The following INPP5D variants were observed in gnomAD, a reference collection of about 807,000 sequenced individuals.
INPP5D encodes inositol polyphosphate-5-phosphatase D.
INPP5D carries 33 observed loss-of-function variants against 122.9 expected under a neutral mutation model. That is an observed-to-expected ratio of 0.27 (90% CI 0.20 to 0.36). The LOEUF is 0.36. INPP5D is among the 10% of genes least tolerant of loss of function. The probability of loss-of-function intolerance (pLI) is 1.00; values close to 1 mark genes in which losing one functional copy is unlikely to be tolerated. For synonymous variants in INPP5D, 584 were observed against 576.2 expected, an observed-to-expected ratio of 1.01 and a Z score of -0.19; for missense variants, 1,053 against 1,412.7, an observed-to-expected ratio of 0.75 and a Z score of 4.08.
At chr2:233,094,728 C>G (rs1466152023) in intron 2 of INPP5D, among the ~76,000 whole-genome samples, 2 of 151,932 alleles carry the variant, frequency 1.3e-5, no homozygotes, top group African/African-American at 4.8e-5. Flanking sequence ...TCAGAATCAG[C>G]GTTTGAACAA....
At position 233,105,788 on chromosome 2, in the gene INPP5D, CAAGTGGAGGGTGCCAGGGA is replaced by C. The variant is rs1692450926; in HGVS notation, c.199-16318_199-16300del. 1.3e-5 allele frequency among the ~76,000 whole-genome samples: 2 copies of C among 152,050 alleles called. No individual in the cohort carries two copies. Among genetic ancestry groups the C allele is most frequent in the African/African-American group, 4.8e-5 (2 of 41,398 alleles). The stretch of plus-strand genomic sequence containing the variant: ...GGGCCACAGGAGGACAGGCTGCCAG[CAAGTGGAGGGTGCCAGGGA>C]GAGAGTGGCTCTGGGGGGCCACAGT... On this transcript the variant is annotated intron_variant, in intron 2 of 26. Transcript: ENST00000445964. This position sits in a 1 kb window ranked among gnomAD's most constrained non-coding sequence, Gnocchi z 4.0.
At chr2:233,135,749 C>T (rs1339090084) in intron 5 of INPP5D, among the ~76,000 whole-genome samples, 1 of 151,956 alleles carries the variant, frequency 6.6e-6, no homozygotes, top group Non-Finnish European at 1.5e-5. Context: ...CATTCAAGAG[C>T]ACAAGTCATC....
chr2:233,140,764 C>G (rs1693615973), intron 6 of INPP5D: 1 of 152,222 alleles, frequency 6.6e-6, no homozygotes, highest in South Asian at 2.1e-4. Context: ...TGGTTTCAAA[C>G]TTCTGGCCAT....
chr2:233,096,661 G>A (rs1055133034), intron 2 of INPP5D, among the ~76,000 whole-genome samples: 1 of 152,062 alleles, frequency 6.6e-6, no homozygotes, highest in African/African-American at 2.4e-5. Context: ...CAAAAGAAAT[G>A]ACACTGAGCC....
intron 1 of INPP5D, among the ~76,000 whole-genome samples, chr2:233,072,638 C>A (rs1030556694): frequency 6.6e-6 from 1 of 152,142 alleles, no homozygotes; most frequent in Non-Finnish European, 1.5e-5. Context: ...TCAATTTATT[C>A]TTTAGTGTTG....
chr2:233,108,311 C>A (rs1021057400), intron 2 of INPP5D, among the ~76,000 whole-genome samples: 10 of 152,228 alleles, frequency 6.6e-5, no homozygotes, highest in Non-Finnish European at 1.5e-4. Context: ...TCTCTCTCAT[C>A]TGGAAATGTC....
chr2:233,131,110 G>A, intron 5 of INPP5D: 13 of 951,042 alleles, frequency 1.4e-5, no homozygotes, highest in Non-Finnish European at 1.6e-5. Context: ...TTCAAAGGGA[G>A]ATGATTCACC....
chr2:233,163,583 C>A, intron 11 of INPP5D, 124 bp from the exon 12 acceptor site: 1 of 1,510,958 alleles, frequency 6.6e-7, no homozygotes, highest in Non-Finnish European at 8.8e-7. Flanking sequence ...TTTCTTTGGG[C>A]TGCCTGGATG....
In INPP5D at chr2:233,105,905, G is replaced by T. The variant is rs942428333; in HGVS notation, c.199-16202G>T. On this transcript the variant is annotated intron_variant, in intron 2 of 26. Transcript: ENST00000445964. The surrounding 1 kb of genome is among the most constrained non-coding windows in gnomAD (Gnocchi z 4.0). ...GGCCTGCACAGGGGATGAGATGAAG[G>T]GACAGTGGCCACTGGGAGGTCAGAG... Among the ~76,000 whole-genome samples the T allele has an allele frequency of 6.6e-6, 1 of 152,066 alleles. No homozygotes were observed. Among genetic ancestry groups the T allele is most frequent in the Non-Finnish European group, 1.5e-5 (1 of 68,012 alleles).
At position 233,166,057 on chromosome 2, in the gene INPP5D, C is replaced by T. The variant is rs1010240701; in HGVS notation, c.1555+1633C>T. The stretch of plus-strand genomic sequence containing the variant: ...TCTCTCAACTTTTCTGCTGACAAAC[C>T]GCAAACTGCCCGCGTCCACCCCCAC... On this transcript the variant is annotated intron_variant, in intron 13 of 26. Transcript: ENST00000445964. Among the ~76,000 whole-genome samples, 5 of 152,072 alleles carry T rather than the reference C, an allele frequency of 3.3e-5. No homozygotes were observed. In the East Asian group the frequency reaches 5.8e-4, roughly 18 times the overall value.
intron 17 of INPP5D, among the ~76,000 whole-genome samples, chr2:233,174,424 G>C (rs1056102483): frequency 3.9e-5 from 6 of 152,228 alleles, no homozygotes; most frequent in Non-Finnish European, 8.8e-5. Flanking sequence ...GTCCATTACT[G>C]TGGTACATGA....
chr2:233,145,946 G>C (rs761695945), intron 6 of INPP5D: 1 of 686,908 alleles, frequency 1.5e-6, no homozygotes, highest in South Asian at 1.5e-5. Context: ...CAGATTTACA[G>C]GGAAGAAGAA....
At position 233,164,066 on chromosome 2, in the gene INPP5D, C is replaced by T. The variant is rs1285853202; in HGVS notation, c.1437+163C>T. 1.4e-6 allele frequency: 2 copies of T among 1,392,302 alleles called. No homozygotes were observed. The highest frequency in any genetic ancestry group is 2.8e-5 in the Admixed American group (1 of 35,308). The allele number at this position is 1,392,302 out of a possible 1,614,324, so 86.2% of individuals were successfully genotyped here. ...GTCTGTATTCAGAAATAAATGGGAT[C>T]TGTGGGGTATTGCTGAAAACCACTG... On this transcript the variant is annotated intron_variant, in intron 12 of 26. Coordinates refer to ENST00000445964, the MANE Select transcript of INPP5D (RefSeq NM_001017915.3). This position sits in a 1 kb window ranked among gnomAD's most constrained non-coding sequence, Gnocchi z 4.3.
intron 9 of INPP5D, among the ~76,000 whole-genome samples, chr2:233,155,596 G>A (rs1694028836): frequency 6.6e-6 from 1 of 151,904 alleles, no homozygotes; most frequent in African/African-American, 2.4e-5. Context: ...ACTCCAGCCT[G>A]GGTGATGGAG....
Position 233,206,287 on chromosome 2 carries a change from G to C in INPP5D, c.3568-419G>C, listed in dbSNP as rs185758808. 1.8e-3 allele frequency among the ~76,000 whole-genome samples: 274 copies of C among 151,522 alleles called. No homozygotes were observed. The highest frequency in any genetic ancestry group is 6.3e-3 in the African/African-American group (260 of 41,328). ...ATAGAAATTATATATTTATATTTAT[G>C]TATTTACATTGATATCCATTACATA... On this transcript the variant is annotated intron_variant, in intron 26 of 26. Transcript: ENST00000445964. This position sits in a 1 kb window ranked among gnomAD's most constrained non-coding sequence, Gnocchi z 4.0.
At chr2:233,202,329 ACATGGAGGGGGCC>A (rs1695362286) in intron 25 of INPP5D, among the ~76,000 whole-genome samples, 1 of 151,982 alleles carries the variant, frequency 6.6e-6, no homozygotes, top group South Asian at 2.1e-4. Flanking sequence ...AGAGGGCTGA[ACATGGAGGGGGCC>A]CTTTCCAAAG....
At chr2:233,129,307 T>A (rs1693252843) in intron 4 of INPP5D, among the ~76,000 whole-genome samples, 2 of 152,218 alleles carry the variant, frequency 1.3e-5, no homozygotes, top group South Asian at 4.1e-4. Context: ...AATTGATTTG[T>A]GGGTTAATGG....
chr2:233,175,901 C>T (rs947532431), intron 17 of INPP5D, among the ~76,000 whole-genome samples: 5 of 152,138 alleles, frequency 3.3e-5, no homozygotes, highest in African/African-American at 9.6e-5. Context: ...AGGGTGGTCT[C>T]GAACTCCCGA....
chr2:233,194,050 C>T lies in INPP5D; in HGVS notation c.2596+89C>T, dbSNP rs1695120850. The T allele has an allele frequency of 2.0e-5, 29 of 1,448,050 alleles. No homozygotes were observed. In the South Asian group the frequency reaches 3.9e-4, roughly 20 times the overall value. 89.7% of individuals were successfully genotyped at this position (1,448,050 alleles called of 1,614,324 possible). On this transcript the variant is annotated intron_variant, in intron 23 of 26. Coordinates refer to ENST00000445964, the MANE Select transcript of INPP5D (RefSeq NM_001017915.3). ...TCTCTCAGCAAAGCTGTCGAATATG[C>T]TCTCTGCTGCGGCCTCAGAGCAGAA...
Sources: gnomAD v4.1 joint callset for allele counts (sites outside exome capture counted in the v4.1 genomes callset) on GRCh38, gnomAD v4.1.1 for gene constraint, Gnocchi (gnomAD v3.1) non-coding constraint, MANE v1.5 for transcripts, NCBI Gene and HGNC (gene_info 2026-07-23, HGNC 2026-07-21) for gene names.